RASGEF1C: variants seen among roughly 807,000 people sequenced by gnomAD.
RASGEF1C encodes RasGEF domain family member 1C, also known as ras-GEF domain-containing family member 1C.
Under a neutral mutation model 58.1 loss-of-function variants are expected in RASGEF1C, and 27 were observed. The observed-to-expected ratio is 0.46, with a 90% CI of 0.34 to 0.64. The LOEUF (loss-of-function observed/expected upper bound fraction) is 0.64. Ranked by LOEUF, RASGEF1C falls within the 30% of genes least tolerant of loss-of-function variation. RASGEF1C has a pLI of 0.01. For missense variants in RASGEF1C, 502 were observed against 605.1 expected (o/e 0.83, Z 1.79); for synonymous variants, 243 against 246.3 (o/e 0.99, Z 0.13).
chr5:180,107,522 T>A (rs560692587), intron 12 of RASGEF1C, among the ~76,000 whole-genome samples: 1 of 152,334 alleles, frequency 6.6e-6, no homozygotes, highest in African/African-American at 2.4e-5. Context: ...GATGAGAAAT[T>A]TGACATGATT....
At chr5:180,129,439 C>A (rs1016559661) in intron 4 of RASGEF1C, among the ~76,000 whole-genome samples, 1 of 152,132 alleles carries the variant, frequency 6.6e-6, no homozygotes, top group African/African-American at 2.4e-5. Context: ...CAGACGACTC[C>A]CAACCCCGCC....
At chr5:180,107,304 A>AT (rs1421668991) in intron 12 of RASGEF1C, among the ~76,000 whole-genome samples, 1 of 151,636 alleles carries the variant, frequency 6.6e-6, no homozygotes, top group South Asian at 2.1e-4. Flanking sequence ...CTTTTTGTCT[A>AT]TTTTTTTGTT....
chr5:180,191,902 T>C (rs11249681), intron 1 of RASGEF1C, among the ~76,000 whole-genome samples: 91,821 of 152,104 alleles, frequency 0.6, 29,130 homozygotes, highest in East Asian at 0.88. Flanking sequence ...CCTCTCATCC[T>C]AGCCTGGGCA....
intron 10 of RASGEF1C, among the ~76,000 whole-genome samples, chr5:180,116,196 C>G (rs1766064592): frequency 6.6e-6 from 1 of 152,204 alleles, no homozygotes; most frequent in South Asian, 2.1e-4. Context: ...AGCAGCCAAA[C>G]AGGCCTTTGT....
In RASGEF1C at chr5:180,177,212, ATGCATTCAAACCATG is replaced by A. The variant is rs1198321999; in HGVS notation, c.-7+31801_-7+31815del. On this transcript the variant is annotated intron_variant, in intron 1 of 13. Transcript: ENST00000361132. This position sits in a 1 kb window ranked among gnomAD's most constrained non-coding sequence, Gnocchi z 5.0. ...CCAGAAACGTCCAGCCGAGTAGAGG[ATGCATTCAAACCATG>A]TGCACATCAGCCCCTCAGCCCCGAA... is the stretch of plus-strand genomic sequence containing the variant. 7.2e-5 allele frequency among the ~76,000 whole-genome samples: 11 copies of A among 152,188 alleles called. No individual in the cohort carries two copies. The highest frequency in any genetic ancestry group is 2.6e-4 in the African/African-American group (11 of 41,530).
At chr5:180,174,055 C>T (rs1043683673) in intron 1 of RASGEF1C, among the ~76,000 whole-genome samples, 2 of 151,832 alleles carry the variant, frequency 1.3e-5, no homozygotes, top group Admixed American at 6.6e-5. Context: ...CTGCTGCTCT[C>T]GGGGGCTCCT....
intron 6 of RASGEF1C, among the ~76,000 whole-genome samples, chr5:180,121,471 GC>G (rs987062057): frequency 1.7e-4 from 26 of 151,972 alleles, no homozygotes; most frequent in African/African-American, 6.0e-4. Context: ...CCGCCACCAC[GC>G]CCAGAGAATT....
intron 12 of RASGEF1C, among the ~76,000 whole-genome samples, chr5:180,109,296 A>G (rs1460025590): frequency 1.3e-5 from 2 of 152,042 alleles, no homozygotes; most frequent in Non-Finnish European, 2.9e-5. Context: ...CTCTACTAAA[A>G]ATACAAAAAA....
At chr5:180,182,580 A>T (rs1183223320) in intron 1 of RASGEF1C, among the ~76,000 whole-genome samples, 1 of 151,982 alleles carries the variant, frequency 6.6e-6, no homozygotes, top group Non-Finnish European at 1.5e-5. Context: ...TATAGTGTTG[A>T]TTGGTGCATT....
chr5:180,133,153 G>GC (rs1305310050), intron 4 of RASGEF1C, among the ~76,000 whole-genome samples: 2 of 152,120 alleles, frequency 1.3e-5, no homozygotes, highest in African/African-American at 4.8e-5. Context: ...CCTACCGGGA[G>GC]CCCCACAAAG....
At chr5:180,121,427 C>T (rs1372749522) in intron 6 of RASGEF1C, among the ~76,000 whole-genome samples, 2 of 151,994 alleles carry the variant, frequency 1.3e-5, no homozygotes, top group Non-Finnish European at 2.9e-5. Flanking sequence ...CACTCTCCTG[C>T]CTCAGCCTCC....
chr5:180,115,712 G>T (rs1766053943), intron 10 of RASGEF1C, among the ~76,000 whole-genome samples: 1 of 152,198 alleles, frequency 6.6e-6, no homozygotes, highest in Admixed American at 6.5e-5. Flanking sequence ...GGGCTCTCAT[G>T]ACCCCATTTA....
intron 1 of RASGEF1C, among the ~76,000 whole-genome samples, chr5:180,149,572 C>T (rs1012922045): frequency 5.3e-5 from 8 of 151,970 alleles, no homozygotes; most frequent in Admixed American, 1.3e-4. Flanking sequence ...TCTCCTGCCT[C>T]GGCCTCCCAA....
chr5:180,114,999 A>G (rs528100834), intron 10 of RASGEF1C, among the ~76,000 whole-genome samples: 55 of 151,986 alleles, frequency 3.6e-4, no homozygotes, highest in African/African-American at 1.3e-3. Flanking sequence ...ATGTGCATCA[A>G]CTATTCTGAA....
chr5:180,110,725 C>T (rs907219192), intron 12 of RASGEF1C, among the ~76,000 whole-genome samples: 2 of 152,190 alleles, frequency 1.3e-5, no homozygotes, highest in African/African-American at 2.4e-5. Context: ...GGCCTCACCT[C>T]GTGCCTGTGT....
At chr5:180,144,178 G>T (rs1207745149) in intron 1 of RASGEF1C, among the ~76,000 whole-genome samples, 1 of 152,146 alleles carries the variant, frequency 6.6e-6, no homozygotes, top group Non-Finnish European at 1.5e-5. Context: ...GTTAACCAAG[G>T]CTCTGTGTGT....
chr5:180,185,088 T>C lies in RASGEF1C; in HGVS notation c.-7+23940A>G, dbSNP rs973292379. Among the ~76,000 whole-genome samples the C allele has an allele frequency of 1.1e-4, 16 of 151,830 alleles. 1 individual carries two copies. The South Asian group carries it at 1.5e-3, about 14-fold the overall frequency. Reference sequence around the variant, plus strand: ...TGGGCGGATCACAAGGTCAGGAGATTGAGACCATCCTGGCTAACACGGTGA... The same window carrying C: ...TGGGCGGATCACAAGGTCAGGAGATCGAGACCATCCTGGCTAACACGGTGA... On this transcript the variant is annotated intron_variant, in intron 1 of 13. Coordinates refer to ENST00000361132, the MANE Select transcript of RASGEF1C (RefSeq NM_175062.4).
At chr5:180,121,861 C>T (rs955566515) in intron 6 of RASGEF1C, among the ~76,000 whole-genome samples, 2 of 152,252 alleles carry the variant, frequency 1.3e-5, no homozygotes, top group Admixed American at 6.5e-5. Context: ...CTTTGTCCCG[C>T]ATCACACGCT....
intron 10 of RASGEF1C, among the ~76,000 whole-genome samples, chr5:180,115,626 C>T (rs1371350438): frequency 6.6e-6 from 1 of 152,210 alleles, no homozygotes; most frequent in Non-Finnish European, 1.5e-5. Flanking sequence ...CTACTTATGC[C>T]TTTATCAAGC....
Sources: allele counts gnomAD v4.1 joint callset (sites outside exome capture counted in the v4.1 genomes callset), GRCh38; gene constraint gnomAD v4.1.1; non-coding constraint Gnocchi (gnomAD v3.1); transcripts MANE v1.5; gene names NCBI Gene and HGNC (gene_info 2026-07-23, HGNC 2026-07-21).